The following MAD1L1 variants were observed in gnomAD, a reference collection of about 807,000 sequenced individuals.
The protein encoded by MAD1L1 is mitotic arrest deficient 1 like 1, also known as mitotic spindle assembly checkpoint protein MAD1.
MAD1L1 carries 95 observed loss-of-function variants against 96.9 expected under a neutral mutation model. That is an observed-to-expected ratio of 0.98 (90% CI 0.83 to 1.16). The LOEUF (loss-of-function observed/expected upper bound fraction) is 1.16, where lower values mean the gene tolerates loss of function less well. MAD1L1 is among the 50% of genes most tolerant of loss of function. The probability of loss-of-function intolerance (pLI) is 0.00; values close to 1 mark genes in which losing one functional copy is unlikely to be tolerated. For missense variants in MAD1L1, 1,007 were observed against 954.4 expected (o/e 1.06, Z -0.73); for synonymous variants, 473 against 396.6 (o/e 1.19, Z -2.29).
At chr7:1,909,800 G>A (rs1305360147) in intron 17 of MAD1L1, among the ~76,000 whole-genome samples, 1 of 152,232 alleles carries the variant, frequency 6.6e-6, no homozygotes, top group Non-Finnish European at 1.5e-5. Flanking sequence ...GCTGGTACCA[G>A]ACGGCCCTTG....
At chr7:2,060,050 CACCGATGCCGAGGTAT>C (rs1474722638) in intron 12 of MAD1L1, among the ~76,000 whole-genome samples, 1 of 151,716 alleles carries the variant, frequency 6.6e-6, no homozygotes, top group African/African-American at 2.4e-5. Context: ...TGCCGAGATA[CACCGATGCCGAGGTAT>C]CAAGATACGC....
At chr7:1,832,018 G>A (rs1782726882) in intron 18 of MAD1L1, among the ~76,000 whole-genome samples, 1 of 152,204 alleles carries the variant, frequency 6.6e-6, no homozygotes, top group Non-Finnish European at 1.5e-5. Flanking sequence ...ACTTTCAAGT[G>A]TTATTATTTA....
chr7:2,172,170 C>T (rs1385566321), intron 10 of MAD1L1, among the ~76,000 whole-genome samples: 1 of 152,206 alleles, frequency 6.6e-6, no homozygotes, highest in Non-Finnish European at 1.5e-5. Flanking sequence ...GTGCTTGGAG[C>T]AGCACCTGGA....
chr7:2,042,179 G>A (rs1562630969), intron 12 of MAD1L1, among the ~76,000 whole-genome samples: 1 of 149,824 alleles, frequency 6.7e-6, no homozygotes, highest in Non-Finnish European at 1.5e-5. Flanking sequence ...ACATACACAT[G>A]CACACACACA....
intron 14 of MAD1L1, 112 bp from the exon 15 acceptor site, chr7:1,980,653 G>T (rs779812400): frequency 1.3e-6 from 1 of 799,080 alleles, no homozygotes; most frequent in East Asian, 2.7e-5. Flanking sequence ...GCCCTGGGCT[G>T]GGAGCTGCGG....
rs372034292 is a variant in MAD1L1 at position 2,012,756 on chromosome 7, G to A, written c.1359+1746C>T. Among the ~76,000 whole-genome samples, 3 of 152,278 alleles carry A rather than the reference G, an allele frequency of 2.0e-5. No homozygotes were observed. In the East Asian group the frequency reaches 5.8e-4, roughly 29 times the overall value. On this transcript the variant is annotated intron_variant, in intron 13 of 18. Coordinates refer to ENST00000265854, the MANE Select transcript of MAD1L1 (RefSeq NM_001013836.2). ...ACACGGCATAGTTCCAGGGCCCTTC[G>A]GCGTGGCCTCCATGTGAGCAAGGGG...
At chr7:2,191,573 A>T (rs1791719284) in intron 10 of MAD1L1, among the ~76,000 whole-genome samples, 1 of 151,994 alleles carries the variant, frequency 6.6e-6, no homozygotes, top group Admixed American at 6.5e-5. Flanking sequence ...TCTACTAAAA[A>T]TACAAAAATT....
At chr7:2,039,938 A>C (rs949001667) in intron 12 of MAD1L1, among the ~76,000 whole-genome samples, 2 of 151,982 alleles carry the variant, frequency 1.3e-5, no homozygotes, top group African/African-American at 4.8e-5. Flanking sequence ...AAGTGAAATA[A>C]AGAACACAAA....
chr7:1,841,977 G>A (rs1366080285), intron 18 of MAD1L1, among the ~76,000 whole-genome samples: 2 of 152,192 alleles, frequency 1.3e-5, no homozygotes, highest in Non-Finnish European at 1.5e-5. Flanking sequence ...CCTGCTCGCC[G>A]CGCTCGGCCG....
At chr7:1,850,111 G>T (rs1232574143) in intron 18 of MAD1L1, among the ~76,000 whole-genome samples, 1 of 152,256 alleles carries the variant, frequency 6.6e-6, no homozygotes, top group Admixed American at 6.5e-5. Flanking sequence ...CACCACTCTC[G>T]TTCGCCTTAA....
At chr7:2,171,864 G>A (rs188487522) in intron 10 of MAD1L1, among the ~76,000 whole-genome samples, 81 of 152,338 alleles carry the variant, frequency 5.3e-4, no homozygotes, top group South Asian at 6.2e-4. Context: ...AAGGGGCCAT[G>A]AGACCACGCA....
chr7:2,118,339 G>A (rs752790599), intron 11 of MAD1L1, among the ~76,000 whole-genome samples: 3 of 152,162 alleles, frequency 2.0e-5, no homozygotes, highest in Non-Finnish European at 4.4e-5. Flanking sequence ...AGATCTACAC[G>A]GCACACTGTG....
chr7:1,983,895 TTATTA>T (rs1781036024), intron 14 of MAD1L1, among the ~76,000 whole-genome samples: 2 of 152,260 alleles, frequency 1.3e-5, no homozygotes, highest in South Asian at 4.1e-4. Context: ...TTGGACTTAT[TTATTA>T]TTTCTACCAT....
chr7:1,910,483 C>A (rs1469761396), intron 17 of MAD1L1, among the ~76,000 whole-genome samples: 1 of 152,232 alleles, frequency 6.6e-6, no homozygotes, highest in African/African-American at 2.4e-5. Flanking sequence ...CCCTTGAACA[C>A]CCGCCGCGGA....
chr7:2,015,696 TCTC>T (rs992430832), intron 12 of MAD1L1, among the ~76,000 whole-genome samples: 1 of 152,170 alleles, frequency 6.6e-6, no homozygotes, highest in African/African-American at 2.4e-5. Context: ...CTGGCGACCT[TCTC>T]CTGCCTGTCC....
At chr7:2,219,221 A>G (rs1184490530) in intron 6 of MAD1L1, 111 bp downstream of exon 6, 5 of 1,031,932 alleles carry the variant, frequency 4.8e-6, no homozygotes, top group African/African-American at 1.6e-5. Context: ...TCTGTGAATT[A>G]GGACAGCATC....
At chr7:1,969,813 G>A (rs970831762) in intron 15 of MAD1L1, among the ~76,000 whole-genome samples, 1 of 152,176 alleles carries the variant, frequency 6.6e-6, no homozygotes, top group Non-Finnish European at 1.5e-5. Flanking sequence ...TTTACCCAAG[G>A]AGGCATAAGA....
intron 18 of MAD1L1, among the ~76,000 whole-genome samples, chr7:1,887,951 ATGTG>A (rs1786232465): frequency 4.3e-5 from 1 of 23,258 alleles, no homozygotes; most frequent in African/African-American, 3.8e-4. Context: ...GTGTATGCAC[ATGTG>A]TATGTGGCTG....
intron 12 of MAD1L1, among the ~76,000 whole-genome samples, chr7:2,048,248 G>A (rs557630302): frequency 1.6e-4 from 24 of 152,364 alleles, no homozygotes; most frequent in African/African-American, 5.8e-4. Flanking sequence ...TAGTCGGGCA[G>A]CGGGGTAGGT....
Sources: allele counts gnomAD v4.1 joint callset (sites outside exome capture counted in the v4.1 genomes callset), GRCh38; gene constraint gnomAD v4.1.1; transcripts MANE v1.5; gene names NCBI Gene and HGNC (gene_info 2026-07-23, HGNC 2026-07-21).